The following IL12RB2 variants were observed in gnomAD, a reference collection of about 807,000 sequenced individuals.
IL12RB2 encodes the protein interleukin 12 receptor subunit beta 2, also known as interleukin-12 receptor subunit beta-2.
IL12RB2 carries 82 observed loss-of-function variants against 89.4 expected under a neutral mutation model. The observed-to-expected ratio is 0.92, with a 90% CI of 0.77 to 1.10. The LOEUF (loss-of-function observed/expected upper bound fraction) is 1.10, where lower values mean the gene tolerates loss of function less well. Ranked by LOEUF, IL12RB2 falls within the 50% of genes least tolerant of loss-of-function variation. The pLI is 0.00. For missense variants in IL12RB2, 963 were observed against 1,031.9 expected (o/e 0.93, Z 0.92); for synonymous variants, 368 against 370.1 (o/e 0.99, Z 0.07).
intron 10 of IL12RB2, among the ~76,000 whole-genome samples, chr1:67,354,298 C>T (rs1043060448): frequency 3.3e-5 from 5 of 151,936 alleles, no homozygotes; most frequent in African/African-American, 1.2e-4. Context: ...AAAGTGAGAG[C>T]TGAGCAGGCA....
At position 67,367,398 on chromosome 1, in the gene IL12RB2, GA is replaced by G. The variant is rs922345463; in HGVS notation, c.1259-418del. On this transcript the variant is annotated intron_variant, in intron 10 of 16. Transcript: ENST00000674203. ...TGACAAAGTAAGATCCTGTCTCAAGGAAAAAAAAAGAAAGAGAGAGAGAAGA... is the reference window on the plus strand; with the variant it reads ...TGACAAAGTAAGATCCTGTCTCAAGGAAAAAAAAGAAAGAGAGAGAGAAGA... Among the ~76,000 whole-genome samples the G allele has an allele frequency of 3.5e-5, 5 of 141,810 alleles. No individual in the cohort carries two copies. The East Asian group carries it at 1.0e-3, about 29-fold the overall frequency. 93.0% of individuals were successfully genotyped at this position (141,810 alleles called of 152,430 possible).
At chr1:67,391,011 G>A (rs1001218609) in intron 16 of IL12RB2, among the ~76,000 whole-genome samples, 1 of 151,976 alleles carries the variant, frequency 6.6e-6, no homozygotes, top group Non-Finnish European at 1.5e-5. Flanking sequence ...CAAAAAAAAA[G>A]AGTGGATCCC....
At chr1:67,354,585 G>A (rs1229206481) in intron 10 of IL12RB2, among the ~76,000 whole-genome samples, 1 of 152,234 alleles carries the variant, frequency 6.6e-6, no homozygotes, top group East Asian at 1.9e-4. Context: ...AGAAGTGCTG[G>A]AATCTCAAGG....
intron 10 of IL12RB2, among the ~76,000 whole-genome samples, chr1:67,355,380 A>G (rs1190895612): frequency 6.7e-6 from 1 of 148,350 alleles, no homozygotes; most frequent in African/African-American, 2.5e-5. Context: ...TGCCACTTGT[A>G]CTCCAGCCTG....
chr1:67,382,141 G>A (rs1293507642), intron 14 of IL12RB2, among the ~76,000 whole-genome samples: 1 of 152,208 alleles, frequency 6.6e-6, no homozygotes, highest in Non-Finnish European at 1.5e-5. Flanking sequence ...CAGCACTTTG[G>A]GAGGCCAAGG....
At chr1:67,319,001 AT>A (rs1437549003) in intron 2 of IL12RB2, among the ~76,000 whole-genome samples, 2 of 152,228 alleles carry the variant, frequency 1.3e-5, no homozygotes, top group African/African-American at 4.8e-5. Context: ...GTTTTCCTGA[AT>A]GATGGCTAGG....
In IL12RB2 at chr1:67,372,489, G is replaced by A. The variant is rs776448208; in HGVS notation, c.1513G>A (p.Asp505Asn). Residue 505 changes from aspartate to asparagine, a missense_variant, in exon 12 of 17, where the codon GAT (aspartate) becomes AAT (asparagine). Physicochemically the swap from Asp to Asn is conservative, Grantham distance 23. Coordinates refer to ENST00000674203, the MANE Select transcript of IL12RB2 (RefSeq NM_001374259.2). Reference sequence around the variant, plus strand: ...AATCCGTGTGTATGCACTCTCAGGGGATCAAGGAGGATGCAGCTCCATCCT... The same window carrying A: ...AATCCGTGTGTATGCACTCTCAGGGAATCAAGGAGGATGCAGCTCCATCCT... ...YEIRVYALSG[D>N]QGGCSSILGN... 3.1e-6 allele frequency: 5 copies of A among 1,605,234 alleles called. No individual in the cohort carries two copies. Among genetic ancestry groups the A allele is most frequent in the Non-Finnish European group, 4.3e-6 (5 of 1,171,828 alleles).
At chr1:67,335,117 A>T in intron 8 of IL12RB2, among the ~76,000 whole-genome samples, 1 of 152,214 alleles carries the variant, frequency 6.6e-6, no homozygotes, top group South Asian at 2.1e-4. Context: ...TCTTTTCAAG[A>T]AGTTATATGA....
chr1:67,352,000 AGTGG>A (rs1660902689), intron 10 of IL12RB2, among the ~76,000 whole-genome samples: 1 of 152,234 alleles, frequency 6.6e-6, no homozygotes, highest in Non-Finnish European at 1.5e-5. Context: ...TTTATCTACC[AGTGG>A]GTTTAGCAAT....
Position 67,313,926 on chromosome 1 carries a change from A to T in IL12RB2, c.-111A>T, listed in dbSNP as rs1452447568. The T allele has an allele frequency of 2.6e-5, 4 of 152,192 alleles. No homozygotes were observed. Among genetic ancestry groups the T allele is most frequent in the Non-Finnish European group, 1.5e-5 (1 of 68,054 alleles). The allele number at this position is 152,192 out of a possible 1,614,324, so 9.4% of individuals were successfully genotyped here. ...CTTTTTTTCTAGGTCACGGTGATCC[A>T]TTTGTAAAGTCGGGAATAAATGACC... is the stretch of plus-strand genomic sequence containing the variant. On this transcript the variant is annotated 5_prime_UTR_variant, in exon 2 of 17. Coordinates refer to ENST00000674203, the MANE Select transcript of IL12RB2 (RefSeq NM_001374259.2).
intron 10 of IL12RB2, among the ~76,000 whole-genome samples, chr1:67,352,930 G>T (rs541439721): frequency 1.3e-5 from 2 of 152,188 alleles, no homozygotes; most frequent in Non-Finnish European, 2.9e-5. Context: ...ACTTACTAGG[G>T]AGCAACTTGG....
intron 16 of IL12RB2, among the ~76,000 whole-genome samples, chr1:67,391,019 C>T (rs962458926): frequency 2.0e-5 from 3 of 152,132 alleles, no homozygotes; most frequent in African/African-American, 7.2e-5. Context: ...AAGAGTGGAT[C>T]CCAGCCACAG....
At chr1:67,376,887 C>T (rs1664046637) in intron 13 of IL12RB2, among the ~76,000 whole-genome samples, 1 of 152,166 alleles carries the variant, frequency 6.6e-6, no homozygotes, top group African/African-American at 2.4e-5. Flanking sequence ...GAAGGTCTCT[C>T]TAAAATTAAT....
chr1:67,320,870 C>G (rs1046804925), intron 3 of IL12RB2, among the ~76,000 whole-genome samples: 2 of 152,054 alleles, frequency 1.3e-5, no homozygotes, highest in African/African-American at 2.4e-5. Context: ...GGTATTTCTC[C>G]TAATGCTATC....
chr1:67,381,863 G>C (rs909093379), intron 14 of IL12RB2, among the ~76,000 whole-genome samples: 1 of 151,552 alleles, frequency 6.6e-6, no homozygotes, highest in Admixed American at 6.6e-5. Context: ...GTACATGCCT[G>C]TAATCCCAGC....
In IL12RB2 at chr1:67,380,096, G is replaced by A. The variant is rs150091362; in HGVS notation, c.1828G>A (p.Gly610Arg). ...GACAGCTGCTGGTGAAAGTTCCCAC[G>A]GAAATGAGAGGGAATTTTGTCTGCA... ...ALTAAGESSH[G>R]NEREFCLQGK... Residue 610 changes from glycine (G) to arginine (R), a missense_variant, in exon 14 of 17, where the codon GGA (glycine) becomes AGA (arginine). By Grantham distance (125) the Gly-to-Arg change is moderately radical. Transcript: ENST00000674203. The A allele has an allele frequency of 5.5e-5, 88 of 1,614,170 alleles. No individual in the cohort carries two copies. The highest frequency in any genetic ancestry group is 3.7e-4 in the African/African-American group (28 of 75,034).
At chr1:67,386,927 C>T (rs12724290) in intron 15 of IL12RB2, among the ~76,000 whole-genome samples, 92,800 of 128,624 alleles carry the variant, frequency 0.72, 32,323 homozygotes, top group South Asian at 0.77. Flanking sequence ...TTCTTTTTTT[C>T]CCCCAAAAAA....
chr1:67,321,705 T>C lies in IL12RB2; in HGVS notation c.180T>C (p.Phe60=). Residue 60 remains phenylalanine (F), a synonymous_variant, in exon 4 of 17, where the codon TTT becomes TTC. Transcript: ENST00000674203. ...CTTTGAAGCCCAGACAAGGCTGCTT[T>C]CACTATTCCAGACGTAACAAGTTAA... ...TCSLKPRQGC[F]HYSRRNKLIL... 6.2e-7 allele frequency: 1 copy of C among 1,610,984 alleles called. No homozygotes were observed. The highest frequency in any genetic ancestry group is 1.1e-5 in the South Asian group (1 of 91,030).
At chr1:67,363,586 G>T (rs1662365306) in intron 10 of IL12RB2, among the ~76,000 whole-genome samples, 1 of 151,874 alleles carries the variant, frequency 6.6e-6, no homozygotes, top group Admixed American at 6.6e-5. Context: ...CAATGTATTT[G>T]ATTACATATG....
Sources: allele counts gnomAD v4.1 joint callset (sites outside exome capture counted in the v4.1 genomes callset), GRCh38; gene constraint gnomAD v4.1.1; transcripts MANE v1.5; gene names NCBI Gene and HGNC (gene_info 2026-07-23, HGNC 2026-07-21).